SLC9A9: variants seen among roughly 807,000 people sequenced by gnomAD.
The protein encoded by SLC9A9 is sodium/hydrogen exchanger 9.
A neutral mutation model predicts 77.8 loss-of-function variants in SLC9A9; 62 were observed. The observed-to-expected ratio is 0.80, with a 90% CI of 0.65 to 0.98. The LOEUF is 0.98. SLC9A9 is among the 50% of genes least tolerant of loss of function. The pLI is 0.00. For missense variants in SLC9A9, 775 were observed against 774.9 expected, an observed-to-expected ratio of 1.00 and a Z score of 0.00; for synonymous variants, 320 against 283.5, an observed-to-expected ratio of 1.13 and a Z score of -1.29.
At chr3:143,631,901 CT>C (rs1376463670) in intron 6 of SLC9A9, among the ~76,000 whole-genome samples, 1 of 152,158 alleles carries the variant, frequency 6.6e-6, no homozygotes, top group Non-Finnish European at 1.5e-5. Flanking sequence ...AATACATAGG[CT>C]GCTCCTGACT....
chr3:143,701,711 A>G (rs926964837), intron 4 of SLC9A9, among the ~76,000 whole-genome samples: 13 of 152,224 alleles, frequency 8.5e-5, no homozygotes, highest in African/African-American at 3.1e-4. Context: ...TTGGCCTTAA[A>G]GAGGAAGTAG....
At chr3:143,640,967 G>C (rs556437464) in intron 6 of SLC9A9, among the ~76,000 whole-genome samples, 3 of 152,192 alleles carry the variant, frequency 2.0e-5, no homozygotes, top group Non-Finnish European at 4.4e-5. Flanking sequence ...CATAACAACA[G>C]CTGACATGGC....
chr3:143,482,179 CAT>C (rs1404001228), intron 11 of SLC9A9, among the ~76,000 whole-genome samples: 2 of 152,096 alleles, frequency 1.3e-5, no homozygotes, highest in Non-Finnish European at 2.9e-5. Flanking sequence ...GGAAAAAATA[CAT>C]GTTCATGAAA....
At chr3:143,826,919 C>T (rs780551043) in intron 2 of SLC9A9, among the ~76,000 whole-genome samples, 3 of 152,094 alleles carry the variant, frequency 2.0e-5, no homozygotes, top group Admixed American at 6.6e-5. Context: ...TTTTTTGATA[C>T]GTGCCTTTAG....
At chr3:143,300,889 T>A (rs2030489230) in intron 14 of SLC9A9, among the ~76,000 whole-genome samples, 1 of 152,202 alleles carries the variant, frequency 6.6e-6, no homozygotes, top group African/African-American at 2.4e-5. Context: ...CCCTTTTCCC[T>A]AGGAGATTTG....
At position 143,441,063 on chromosome 3, in the gene SLC9A9, C is replaced by G. The variant is rs117813183; in HGVS notation, c.1469+25974G>C. ...TGTTAACCCAGTTTTTTTCTTTTAT[C>G]ATTCTCACCTTTCCAACCTTCCTCC... On this transcript the variant is annotated intron_variant, in intron 12 of 15. Transcript: ENST00000316549. 5.9e-4 allele frequency among the ~76,000 whole-genome samples: 90 copies of G among 152,214 alleles called. 1 individual carries two copies. The East Asian group carries it at 0.016, about 27-fold the overall frequency.
chr3:143,394,848 A>G (rs1357909892), intron 12 of SLC9A9, among the ~76,000 whole-genome samples: 2 of 152,232 alleles, frequency 1.3e-5, no homozygotes, highest in Non-Finnish European at 2.9e-5. Flanking sequence ...CCCATTCACA[A>G]TTGCTTCAAA....
chr3:143,605,288 T>C (rs990744632), intron 6 of SLC9A9, among the ~76,000 whole-genome samples: 1 of 152,162 alleles, frequency 6.6e-6, no homozygotes, highest in African/African-American at 2.4e-5. Flanking sequence ...GGTGACTTCT[T>C]TGATGGTACA....
intron 14 of SLC9A9, among the ~76,000 whole-genome samples, chr3:143,303,223 G>C (rs1445196208): frequency 6.6e-6 from 1 of 152,240 alleles, no homozygotes; most frequent in East Asian, 1.9e-4. Flanking sequence ...GAGACTCAAA[G>C]AAGTAGCTGT....
intron 5 of SLC9A9, among the ~76,000 whole-genome samples, chr3:143,685,920 A>T (rs942993196): frequency 2.0e-5 from 3 of 152,210 alleles, no homozygotes; most frequent in African/African-American, 7.2e-5. Context: ...TGGTTGGACA[A>T]GAGGAAAGGC....
intron 4 of SLC9A9, among the ~76,000 whole-genome samples, chr3:143,757,286 A>G (rs2006956500): frequency 6.6e-6 from 1 of 152,160 alleles, no homozygotes; most frequent in African/African-American, 2.4e-5. Context: ...AACATAAATA[A>G]GTGATATGAT....
intron 6 of SLC9A9, among the ~76,000 whole-genome samples, chr3:143,587,792 T>C (rs550273319): frequency 7.3e-4 from 111 of 152,370 alleles, no homozygotes; most frequent in Non-Finnish European, 1.4e-3. Context: ...CAGCCAAGCC[T>C]GTCCTCATCA....
intron 8 of SLC9A9, among the ~76,000 whole-genome samples, chr3:143,555,053 C>T (rs1034676361): frequency 2.6e-5 from 4 of 152,164 alleles, no homozygotes; most frequent in African/African-American, 7.2e-5. Flanking sequence ...ACCCAAATCT[C>T]ATCTTGTTGT....
intron 6 of SLC9A9, among the ~76,000 whole-genome samples, chr3:143,630,700 T>C (rs1480592508): frequency 6.6e-6 from 1 of 152,186 alleles, no homozygotes; most frequent in Non-Finnish European, 1.5e-5. Flanking sequence ...TTGAGTTTGA[T>C]CATTTGAAAA....
intron 4 of SLC9A9, among the ~76,000 whole-genome samples, chr3:143,742,372 G>A (rs977063291): frequency 4.6e-5 from 7 of 152,168 alleles, no homozygotes; most frequent in African/African-American, 1.2e-4. Context: ...CCGGCTCTGC[G>A]TGAATTACTC....
chr3:143,411,998 C>A (rs995843168), intron 12 of SLC9A9, among the ~76,000 whole-genome samples: 1 of 152,056 alleles, frequency 6.6e-6, no homozygotes, highest in South Asian at 2.1e-4. Flanking sequence ...TACTGCCTAT[C>A]GGGGAAGTCC....
chr3:143,548,825 G>A (rs1002969717), intron 9 of SLC9A9, among the ~76,000 whole-genome samples: 1 of 152,174 alleles, frequency 6.6e-6, no homozygotes, highest in African/African-American at 2.4e-5. Context: ...TATAAAGAAT[G>A]CATAATTCTC....
intron 12 of SLC9A9, among the ~76,000 whole-genome samples, chr3:143,412,460 C>G (rs1359339346): frequency 1.3e-5 from 2 of 152,164 alleles, no homozygotes; most frequent in South Asian, 2.1e-4. Context: ...TATGCCCTCC[C>G]CCGGCTGGAG....
At chr3:143,371,127 C>T (rs2033049145) in intron 13 of SLC9A9, among the ~76,000 whole-genome samples, 3 of 151,980 alleles carry the variant, frequency 2.0e-5, no homozygotes, top group Non-Finnish European at 1.5e-5. Flanking sequence ...GAACACTGAC[C>T]TGTACATGCA....
Sources: gnomAD v4.1 joint callset for allele counts (sites outside exome capture counted in the v4.1 genomes callset) on GRCh38, gnomAD v4.1.1 for gene constraint, MANE v1.5 for transcripts, NCBI Gene and HGNC (gene_info 2026-07-23, HGNC 2026-07-21) for gene names.